MAU2: variants seen among roughly 807,000 people sequenced by gnomAD.
MAU2 encodes the protein MAU2 chromatid cohesion factor homolog.
A neutral mutation model predicts 89.1 loss-of-function variants in MAU2; 9 were observed. That is an observed-to-expected ratio of 0.10 (90% CI 0.06 to 0.18). MAU2 has a LOEUF of 0.18. MAU2 is among the 10% of genes least tolerant of loss of function. The pLI is 1.00. For missense variants in MAU2, 425 were observed against 803.5 expected (o/e 0.53, Z 5.69); for synonymous variants, 357 against 343.4 (o/e 1.04, Z -0.44).
chr19:19,355,861 G>A lies in MAU2; in HGVS notation c.*79G>A, dbSNP rs577216137. The A allele has an allele frequency of 3.1e-5, 40 of 1,306,702 alleles. No individual in the cohort carries two copies. Among genetic ancestry groups the A allele is most frequent in the Admixed American group, 2.9e-4 (17 of 59,492 alleles). The allele number at this position is 1,306,702 out of a possible 1,614,324, so 80.9% of individuals were successfully genotyped here. A position where few individuals can be genotyped will look rare whatever the true frequency, so the allele number is the denominator to read the frequency against. On this transcript the variant is annotated 3_prime_UTR_variant, in exon 19 of 19. Transcript: ENST00000262815. Reference sequence around the variant, plus strand: ...CCAGACGGCACTCAAGCCTGCCCCCGAGGCGTGCTTCCTTCCTGATTGTCT... The same window carrying A: ...CCAGACGGCACTCAAGCCTGCCCCCAAGGCGTGCTTCCTTCCTGATTGTCT...
rs1266043491 is a variant in MAU2, at chr19:19,345,057, A to G, written c.1155+131A>G. 5.9e-6 allele frequency: 5 copies of G among 845,732 alleles called. No homozygotes were observed. The Admixed American group carries it at 8.4e-5, about 14-fold the overall frequency. The allele number at this position is 845,732 out of a possible 1,614,324, so 52.4% of individuals were successfully genotyped here. ...CCTAATCAGAATCCGGAATGTTCCC[A>G]TAGGTAATCATATAACCTTCCCAGG... On this transcript the variant is annotated intron_variant, in intron 11 of 18. Coordinates refer to ENST00000262815, the MANE Select transcript of MAU2 (RefSeq NM_015329.4). This position sits in a 1 kb window ranked among gnomAD's most constrained non-coding sequence, Gnocchi z 4.9.
intron 1 of MAU2, among the ~76,000 whole-genome samples, chr19:19,324,330 G>A (rs758437222): frequency 3.3e-5 from 5 of 152,160 alleles, no homozygotes; most frequent in East Asian, 3.8e-4. Flanking sequence ...CTAAGCTGTC[G>A]GGGACTGGCA....
rs1415844693 is a variant in MAU2, at chr19:19,349,385, C to T, written c.1497C>T (p.Ala499=). Residue 499 remains alanine (A), a synonymous_variant, in exon 16 of 19, where the codon GCC becomes GCT. Transcript: ENST00000262815. ...SNAEDLNRLT[A]CSLVLLGHIF... ...CTGAGGACCTGAACCGGCTCACAGC[C>T]TGCTCCCTCGTGCTTCTGGGCCACA... 9.3e-6 allele frequency: 15 copies of T among 1,614,204 alleles called. No individual in the cohort carries two copies. Among genetic ancestry groups the T allele is most frequent in the Non-Finnish European group, 1.3e-5 (15 of 1,180,040 alleles).
chr19:19,340,924 G>C, intron 6 of MAU2, 51 bp downstream of exon 6: 1 of 1,609,368 alleles, frequency 6.2e-7, no homozygotes, highest in Non-Finnish European at 8.5e-7. Flanking sequence ...TGGAGGTGAG[G>C]CAGGGCCCCC....
Position 19,340,787 on chromosome 19 carries a change from A to G in MAU2, c.552-59A>G, listed in dbSNP as rs569290150. 66 of 1,596,570 alleles carry G rather than the reference A, an allele frequency of 4.1e-5. No homozygotes were observed. In the East Asian group the frequency reaches 1.4e-3, roughly 35 times the overall value. On this transcript the variant is annotated intron_variant, in intron 5 of 18. Transcript: ENST00000262815. ...GTCCTGTGAGCCTTGGGGTAATCAC[A>G]GTCATCCCAGGAGGCTCCTGGGCCT...
chr19:19,344,423 C>T (rs1346570080), intron 10 of MAU2: 18 of 230,280 alleles, frequency 7.8e-5, no homozygotes, highest in South Asian at 4.3e-4. Flanking sequence ...AAAAAAAAAA[C>T]CCAAAAAACT....
intron 3 of MAU2, 62 bp from the exon 4 acceptor site, chr19:19,337,108 G>C: frequency 1.5e-6 from 2 of 1,310,474 alleles, no homozygotes; most frequent in Non-Finnish European, 2.2e-6. Flanking sequence ...AAGGAATCCA[G>C]CTTGATTGCC....
At chr19:19,350,676 A>G (rs1024368750) in intron 16 of MAU2, among the ~76,000 whole-genome samples, 35 of 151,490 alleles carry the variant, frequency 2.3e-4, no homozygotes, top group Admixed American at 1.3e-4. Flanking sequence ...CAAGGCGGGC[A>G]GATCACAAGG....
Position 19,345,519 on chromosome 19 carries a change from G to A in MAU2, c.1221+150G>A. ...AATGCACAGTAGTCAGCCCATGCCA[G>A]CCTTGGCAGTGACGCGCTGTTTATC... On this transcript the variant is annotated intron_variant, in intron 12 of 18. Coordinates refer to ENST00000262815, the MANE Select transcript of MAU2 (RefSeq NM_015329.4). The surrounding 1 kb of genome is among the most constrained non-coding windows in gnomAD (Gnocchi z 4.9). 1 of 753,242 alleles carries A rather than the reference G, an allele frequency of 1.3e-6. No homozygotes were observed. Among genetic ancestry groups the A allele is most frequent in the Non-Finnish European group, 2.3e-6 (1 of 443,346 alleles). 46.7% of individuals were successfully genotyped at this position (753,242 alleles called of 1,614,324 possible).
chr19:19,326,608 C>T (rs994437200), intron 1 of MAU2, among the ~76,000 whole-genome samples: 2 of 150,566 alleles, frequency 1.3e-5, no homozygotes, highest in East Asian at 1.9e-4. Context: ...ATGGCGTGAA[C>T]CCGGGCGGCG....
chr19:19,348,705 G>T, intron 13 of MAU2, 184 bp from the exon 14 acceptor site: 1 of 696,042 alleles, frequency 1.4e-6, no homozygotes, highest in East Asian at 2.7e-5. Context: ...CTGGCTGAGG[G>T]TGTGGAAATC....
chr19:19,332,713 C>G (rs1483107016), intron 1 of MAU2, among the ~76,000 whole-genome samples: 4 of 152,156 alleles, frequency 2.6e-5, no homozygotes, highest in Admixed American at 1.3e-4. Flanking sequence ...CTCTGTCTAG[C>G]CCACCCGTGG....
At chr19:19,344,660 G>C (rs1033741704) in intron 10 of MAU2, 189 bp from the exon 11 acceptor site, 6 of 607,188 alleles carry the variant, frequency 9.9e-6, no homozygotes, top group African/African-American at 3.7e-5. Flanking sequence ...AACAGACAAG[G>C]GTCCCTGTCC....
intron 14 of MAU2, 97 bp from the exon 15 acceptor site, chr19:19,349,058 T>C (rs2146703473): frequency 1.9e-6 from 3 of 1,562,046 alleles, no homozygotes; most frequent in Middle Eastern, 1.7e-4. Flanking sequence ...CAGTCTGCAG[T>C]GGGGGCTCTC....
chr19:19,332,518 A>G (rs1037842960), intron 1 of MAU2, among the ~76,000 whole-genome samples: 1 of 151,990 alleles, frequency 6.6e-6, no homozygotes, highest in Non-Finnish European at 1.5e-5. Flanking sequence ...GAGCATCGCT[A>G]ACTCACAGTG....
Position 19,340,887 on chromosome 19 carries a change from G to A in MAU2, c.579+14G>A. The A allele has an allele frequency of 6.2e-7, 1 of 1,613,080 alleles. No individual in the cohort carries two copies. The highest frequency in any genetic ancestry group is 8.5e-7 in the Non-Finnish European group (1 of 1,179,852). ...AGCAAGGGGATGGTAAGTTGAGGCT[G>A]GGCATGGCTGGATGCAGCTGGTGTT... On this transcript the variant is annotated intron_variant, in intron 6 of 18. Coordinates refer to ENST00000262815, the MANE Select transcript of MAU2 (RefSeq NM_015329.4).
At chr19:19,334,717 T>G (rs529548917) in intron 1 of MAU2, 1 of 552,266 alleles carries the variant, frequency 1.8e-6, no homozygotes, top group East Asian at 1.5e-4. Context: ...ACCATCGGGC[T>G]TCAGCCTCAC....
intron 5 of MAU2, among the ~76,000 whole-genome samples, chr19:19,340,026 A>G (rs533865482): frequency 2.2e-4 from 34 of 152,008 alleles, no homozygotes; most frequent in Admixed American, 7.2e-4. Context: ...TTAGCTGGGC[A>G]TGGTGGCGGG....
intron 1 of MAU2, among the ~76,000 whole-genome samples, chr19:19,322,473 C>T (rs893413602): frequency 6.6e-6 from 1 of 152,190 alleles, no homozygotes; most frequent in African/African-American, 2.4e-5. Context: ...CTGACGCGGG[C>T]CTGTAGTCCC....
Sources: gnomAD v4.1 joint callset for allele counts (sites outside exome capture counted in the v4.1 genomes callset) on GRCh38, gnomAD v4.1.1 for gene constraint, Gnocchi (gnomAD v3.1) non-coding constraint, MANE v1.5 for transcripts, NCBI Gene and HGNC (gene_info 2026-07-23, HGNC 2026-07-21) for gene names.